PLCD4: variants seen among roughly 807,000 people sequenced by gnomAD.
PLCD4 encodes 1-phosphatidylinositol 4,5-bisphosphate phosphodiesterase delta-4.
A neutral mutation model predicts 90.2 loss-of-function variants in PLCD4; 63 were observed. The ratio of observed to expected loss-of-function variants is 0.70; its 90% CI spans 0.57 to 0.86. PLCD4 has a LOEUF of 0.86. PLCD4 is among the 40% of genes least tolerant of loss of function. PLCD4 has a pLI of 0.00. For missense variants in PLCD4, 830 were observed against 956.3 expected, an observed-to-expected ratio of 0.87 and a Z score of 1.74; for synonymous variants, 294 against 356.5, an observed-to-expected ratio of 0.82 and a Z score of 1.97.
intron 11 of PLCD4, 166 bp from the exon 12 acceptor site, chr2:218,633,939 G>A: frequency 1.7e-6 from 2 of 1,205,562 alleles, no homozygotes; most frequent in South Asian, 1.5e-5. Flanking sequence ...AAGGGTCTAG[G>A]GGCAGGAAAG....
In PLCD4 at chr2:218,634,607, A is replaced by G. The variant is rs1696603541; in HGVS notation, c.1873A>G (p.Lys625Glu). 1.2e-6 allele frequency: 2 copies of G among 1,614,026 alleles called. No individual in the cohort carries two copies. Among genetic ancestry groups the G allele is most frequent in the East Asian group, 4.5e-5 (2 of 44,888 alleles). ...FHPEKPISPF[K>E]AQTLLIQVIS... is the part of the protein sequence containing the mutation. ...CCCTGAGAAGCCCATCAGCCCTTTC[A>G]AAGCCCAGACTCTCTTAATCCAGGT... The change falls in exon 13 of 16, where the codon AAA becomes GAA. Residue 625 changes from lysine (K) to glutamate (E), a missense_variant. Coordinates refer to ENST00000450993, the MANE Select transcript of PLCD4 (RefSeq NM_032726.4). The surrounding 1 kb of genome is among the most constrained non-coding windows in gnomAD (Gnocchi z 4.0).
At chr2:218,615,680 G>A in intron 1 of PLCD4, 27 bp from the exon 2 acceptor site, 2 of 1,532,122 alleles carry the variant, frequency 1.3e-6, no homozygotes, top group Non-Finnish European at 1.8e-6. Context: ...TTCACCCAGA[G>A]CCCTTTGCTC....
At chr2:218,614,775 AC>A (rs1304449505) in intron 1 of PLCD4, among the ~76,000 whole-genome samples, 2 of 151,972 alleles carry the variant, frequency 1.3e-5, no homozygotes, top group Admixed American at 1.3e-4. Context: ...TAAAAGAGGT[AC>A]CCTTTTTTGG....
In PLCD4 at chr2:218,633,636, C is replaced by A. The variant is rs1696524388; in HGVS notation, c.1481C>A (p.Ser494Tyr). The part of the protein sequence containing the change: ...KSKPILCPAL[S>Y]SLVIYLKSVS... ...AAGCCCATCTTGTGTCCAGCCCTCT[C>A]TTCCCTGGTTATCTACTTGAAGTCT... The change falls in exon 11 of 16, where the codon TCT becomes TAT. Residue 494 changes from serine to tyrosine, a missense_variant. By Grantham distance (144) the Ser-to-Tyr change is moderately radical (BLOSUM62 -2). Transcript: ENST00000450993. The A allele has an allele frequency of 6.2e-7, 1 of 1,613,726 alleles. No homozygotes were observed. Among genetic ancestry groups the A allele is most frequent in the Non-Finnish European group, 8.5e-7 (1 of 1,179,608 alleles).
intron 3 of PLCD4, 147 bp downstream of exon 3, chr2:218,616,209 C>T (rs1695573274): frequency 2.3e-6 from 2 of 870,162 alleles, no homozygotes; most frequent in Non-Finnish European, 1.7e-6. Context: ...GAGATCATAA[C>T]AGTACTTGCC....
intron 5 of PLCD4, among the ~76,000 whole-genome samples, chr2:218,621,951 G>T (rs1411412692): frequency 2.0e-5 from 3 of 151,832 alleles, no homozygotes; most frequent in African/African-American, 7.3e-5. Context: ...GTGGTTGCGG[G>T]TGCCTGTAGT....
chr2:218,608,277 G>T (rs1003113737), intron 1 of PLCD4, among the ~76,000 whole-genome samples: 31 of 152,204 alleles, frequency 2.0e-4, no homozygotes, highest in African/African-American at 7.0e-4. Flanking sequence ...GGCTGTGTCA[G>T]TCGCCCTTTA....
Position 218,637,050 on chromosome 2 carries a change from AT to A in PLCD4, c.*475del, listed in dbSNP as rs2106178829. 1 of 395,436 alleles carries A rather than the reference AT, an allele frequency of 2.5e-6. No individual in the cohort carries two copies. The highest frequency in any genetic ancestry group is 2.1e-5 in the African/African-American group (1 of 47,970). The allele number at this position is 395,436 out of a possible 1,614,324, so 24.5% of individuals were successfully genotyped here. Reference sequence around the variant, plus strand: ...AAGGCTCAAGGCTTCCCCAGCAAAGATTAGGGAAAGAGACTTGACCCCAGGA... The same window carrying A: ...AAGGCTCAAGGCTTCCCCAGCAAAGATAGGGAAAGAGACTTGACCCCAGGA... On this transcript the variant is annotated 3_prime_UTR_variant, in exon 16 of 16. Transcript: ENST00000450993.
At chr2:218,632,352 A>G (rs1289195124) in intron 10 of PLCD4, 40 bp downstream of exon 10, 7 of 1,558,244 alleles carry the variant, frequency 4.5e-6, no homozygotes, top group East Asian at 2.3e-5. Context: ...TATTTAGTCA[A>G]CTTATGCAAG....
At chr2:218,630,909 T>TAGAAA in intron 9 of PLCD4, 107 bp downstream of exon 9, 3 of 1,242,426 alleles carry the variant, frequency 2.4e-6, no homozygotes, top group African/African-American at 1.5e-5. Flanking sequence ...TATCCTCGGA[T>TAGAAA]GGACCATCTT....
chr2:218,616,718 A>AATACATATATACATACATAC (rs1553571827), intron 3 of PLCD4, among the ~76,000 whole-genome samples: 2 of 24,584 alleles, frequency 8.1e-5, no homozygotes, highest in African/African-American at 4.2e-4. Context: ...TCTCTACAAA[A>AATACATATATACATACATAC]ATACATATAT....
intron 1 of PLCD4, among the ~76,000 whole-genome samples, chr2:218,611,472 A>C (rs1472386639): frequency 6.6e-6 from 1 of 152,120 alleles, no homozygotes; most frequent in Non-Finnish European, 1.5e-5. Context: ...AGTTCACCAC[A>C]TCCTAGAGTC....
At position 218,634,244 on chromosome 2, in the gene PLCD4, G is replaced by T; in HGVS notation, c.1723+23G>T. On this transcript the variant is annotated intron_variant, in intron 12 of 15. Coordinates refer to ENST00000450993, the MANE Select transcript of PLCD4 (RefSeq NM_032726.4). The surrounding 1 kb of genome is among the most constrained non-coding windows in gnomAD (Gnocchi z 4.0). ...TGGGTGAGGAGGCAGCAGGGACTGGGAAGAGGGAGTGGAGGAGCAGCAGGT... is the reference window on the plus strand; with the variant it reads ...TGGGTGAGGAGGCAGCAGGGACTGGTAAGAGGGAGTGGAGGAGCAGCAGGT... 1 of 1,599,004 alleles carries T rather than the reference G, an allele frequency of 6.3e-7. No individual in the cohort carries two copies. The highest frequency in any genetic ancestry group is 2.3e-5 in the East Asian group (1 of 44,318).
rs1696748284 is a variant in PLCD4, at chr2:218,636,362, TA to T, written c.2153del (p.Tyr718SerfsTer59). The part of the protein sequence containing the change: ...WKSRNDFIGQ[Y>X]TLPWTCMQQG... ...ATCCCGAAATGACTTTATTGGTCAG[TA>T]CACCCTGCCTTGGACCTGCATGCAA... On this transcript the variant is annotated frameshift_variant, in exon 15 of 16. Coordinates refer to ENST00000450993, the MANE Select transcript of PLCD4 (RefSeq NM_032726.4). LOFTEE classifies it high-confidence loss of function. 1 of 1,613,922 alleles carries T rather than the reference TA, an allele frequency of 6.2e-7. No homozygotes were observed. The highest frequency in any genetic ancestry group is 1.1e-5 in the South Asian group (1 of 91,092).
At chr2:218,623,649 T>C (rs1276199696) in intron 6 of PLCD4, among the ~76,000 whole-genome samples, 1 of 152,206 alleles carries the variant, frequency 6.6e-6, no homozygotes, top group African/African-American at 2.4e-5. Context: ...TATCCCATAA[T>C]GCTCTAATAT....
intron 3 of PLCD4, 48 bp downstream of exon 3, chr2:218,616,110 C>T: frequency 6.3e-7 from 1 of 1,594,960 alleles, no homozygotes; most frequent in Non-Finnish European, 8.6e-7. Flanking sequence ...GGATAGAGGC[C>T]TGAGGAGCCC....
intron 4 of PLCD4, among the ~76,000 whole-genome samples, chr2:218,620,114 A>G (rs1351693073): frequency 6.6e-6 from 1 of 152,020 alleles, no homozygotes; most frequent in East Asian, 1.9e-4. Context: ...TCCTGGGCTC[A>G]AGTGGTCCAT....
At position 218,622,847 on chromosome 2, in the gene PLCD4, A is replaced by G. The variant is rs1424809307; in HGVS notation, c.741A>G (p.Glu247=). The G allele has an allele frequency of 6.2e-7, 1 of 1,613,964 alleles. No individual in the cohort carries two copies. Among genetic ancestry groups the G allele is most frequent in the Non-Finnish European group, 8.5e-7 (1 of 1,179,876 alleles). ...ERDCTSELAL[E]LIDRYEPSDS... ...ACTGCACCTCTGAGCTTGCTCTGGAACTCATTGACCGCTATGAACCTTCAG... is the reference window on the plus strand; with the variant it reads ...ACTGCACCTCTGAGCTTGCTCTGGAGCTCATTGACCGCTATGAACCTTCAG... Residue 247 remains glutamate, a synonymous_variant, in exon 6 of 16, where the codon GAA becomes GAG. Coordinates refer to ENST00000450993, the MANE Select transcript of PLCD4 (RefSeq NM_032726.4).
chr2:218,610,864 AT>A (rs113754748), intron 1 of PLCD4, among the ~76,000 whole-genome samples: 53 of 152,168 alleles, frequency 3.5e-4, no homozygotes, highest in African/African-American at 1.2e-3. Flanking sequence ...AGTAGCGGAG[AT>A]TATAGGTGTG....
Sources: gnomAD v4.1 joint callset for allele counts (sites outside exome capture counted in the v4.1 genomes callset) on GRCh38, gnomAD v4.1.1 for gene constraint, Gnocchi (gnomAD v3.1) non-coding constraint, MANE v1.5 for transcripts, NCBI Gene and HGNC (gene_info 2026-07-23, HGNC 2026-07-21) for gene names.